The following MICAL1 variants were observed in gnomAD, a reference collection of about 807,000 sequenced individuals.
MICAL1 encodes microtubule associated monooxygenase, calponin and LIM domain containing 1, also known as [F-actin]-monooxygenase MICAL1.
MICAL1 carries 95 observed loss-of-function variants against 131.8 expected under a neutral mutation model. The ratio of observed to expected loss-of-function variants is 0.72; its 90% confidence interval spans 0.61 to 0.86. The LOEUF is 0.86. MICAL1 is among the 40% of genes least tolerant of loss of function. The probability of loss-of-function intolerance (pLI) is 0.00; values close to 1 mark genes in which losing one functional copy is unlikely to be tolerated. For missense variants in MICAL1, 1,292 were observed against 1,380.6 expected (o/e 0.94, Z 1.02); for synonymous variants, 546 against 554.2 (o/e 0.99, Z 0.21).
chr6:109,450,347 G>GCTTCTCTTGCACA lies in MICAL1; in HGVS notation c.1131_1143dup (p.His382CysfsTer38). ...AGTCCCAGCAGCAGGCGGGCGCCATGCTTCTCTTGCACACGAGCAGAACTC... is the reference window on the plus strand; with the variant it reads ...AGTCCCAGCAGCAGGCGGGCGCCATGCTTCTCTTGCACACTTCTCTTGCACACGAGCAGAACTC... On this transcript the variant is annotated frameshift_variant, in exon 8 of 25. Coordinates refer to ENST00000358807, the MANE Select transcript of MICAL1 (RefSeq NM_022765.4). LOFTEE classifies it high-confidence loss of function. 6.2e-7 allele frequency: 1 copy of GCTTCTCTTGCACA among 1,610,656 alleles called. No homozygotes were observed. The highest frequency in any genetic ancestry group is 8.5e-7 in the Non-Finnish European group (1 of 1,177,602).
chr6:109,453,613 C>T lies in MICAL1; in HGVS notation c.466+25G>A, dbSNP rs200268301. 31 of 1,569,094 alleles carry T rather than the reference C, an allele frequency of 2.0e-5. No homozygotes were observed. In the East Asian group the frequency reaches 6.5e-4, roughly 33 times the overall value. Reference sequence around the variant, plus strand: ...CCTCTAGGCCCAAGCTCACCCGCCCCTCCAGGCCACCACGTGGTGCTCACT... The same window carrying T: ...CCTCTAGGCCCAAGCTCACCCGCCCTTCCAGGCCACCACGTGGTGCTCACT... On this transcript the variant is annotated intron_variant, in intron 3 of 24. Transcript: ENST00000358807.
upstream of MICAL1, among the ~76,000 whole-genome samples, chr6:109,459,008 G>A (rs1775828462): frequency 6.6e-6 from 1 of 152,152 alleles, no homozygotes; most frequent in Non-Finnish European, 1.5e-5. Flanking sequence ...CAGAGTGGGG[G>A]CAGACAACTT....
rs779378015 is a variant in MICAL1 at position 109,449,711 on chromosome 6, CAGCCCATACTGGG to C, written c.1367_1379del (p.Ala456GlyfsTer10). The C allele has an allele frequency of 6.3e-7, 1 of 1,597,022 alleles. No homozygotes were observed. The highest frequency in any genetic ancestry group is 1.3e-5 in the African/African-American group (1 of 74,664). ...GGTTGGGGTAGCGGGTGGCTGGGTC[CAGCCCATACTGGG>C]CCACATTGCGATGCATGTTTTCTGG... On this transcript the variant is annotated frameshift_variant, in exon 10 of 25. Coordinates refer to ENST00000358807, the MANE Select transcript of MICAL1 (RefSeq NM_022765.4). LOFTEE classifies it high-confidence loss of function.
At chr6:109,445,575 G>A in intron 20 of MICAL1, 46 bp from the exon 21 acceptor site, 1 of 1,598,624 alleles carries the variant, frequency 6.3e-7, no homozygotes, top group Non-Finnish European at 8.6e-7. Context: ...GGGCCCCCTG[G>A]TGGATAGGAG....
chr6:109,450,583 C>A, intron 7 of MICAL1, 26 bp from the exon 8 acceptor site: 1 of 1,583,424 alleles, frequency 6.3e-7, no homozygotes, highest in Non-Finnish European at 8.6e-7. Flanking sequence ...AGCAGAACCT[C>A]AGAGACCTCT....
rs140206187 is a variant in MICAL1 at position 109,447,093 on chromosome 6, T to C, written c.2207A>G (p.Tyr736Cys). The C allele has an allele frequency of 8.7e-6, 14 of 1,613,962 alleles. No homozygotes were observed. Among genetic ancestry groups the C allele is most frequent in the Non-Finnish European group, 1.2e-5 (14 of 1,179,998 alleles). Residue 736 changes from tyrosine (Y) to cysteine (C), a missense_variant, in exon 17 of 25, where the codon TAC becomes TGC. By Grantham distance (194) the Tyr-to-Cys change is radical. Coordinates refer to ENST00000358807, the MANE Select transcript of MICAL1 (RefSeq NM_022765.4). Reference sequence around the variant, plus strand: ...CTCACCATCTCCTGGGTGCTGCTCGTAGCCACCTGGCCACAGTGTGGCCTC... The same window carrying C: ...CTCACCATCTCCTGGGTGCTGCTCGCAGCCACCTGGCCACAGTGTGGCCTC... Reference protein sequence around the residue: ...TCEATLWPGGYEQHPGDGHFY... With the variant: ...TCEATLWPGGCEQHPGDGHFY...
rs375872705 is a variant in MICAL1 at position 109,448,767 on chromosome 6, C to G, written c.1629G>C (p.Leu543=). ...LSSSWADGLA[L]CALVYRLQPG... is the part of the protein sequence containing the mutation. ...GCTGCAGCCGGTACACCAGGGCACA[C>G]AGAGCTAGCCCATCAGCCCAGGAGG... The change falls in exon 12 of 25, where the codon CTG becomes CTC. Residue 543 remains leucine, a synonymous_variant. Transcript: ENST00000358807. 9 of 1,613,968 alleles carry G rather than the reference C, an allele frequency of 5.6e-6. No homozygotes were observed. Among genetic ancestry groups the G allele is most frequent in the Non-Finnish European group, 6.8e-6 (8 of 1,179,994 alleles).
Position 109,444,200 on chromosome 6 carries a change from G to C in MICAL1, c.3195C>G (p.Ala1065=). 6.2e-7 allele frequency: 1 copy of C among 1,612,822 alleles called. No homozygotes were observed. The highest frequency in any genetic ancestry group is 8.5e-7 in the Non-Finnish European group (1 of 1,179,920). Residue 1065 remains alanine (A), a synonymous_variant, in exon 25 of 25, where the codon GCC becomes GCG. Transcript: ENST00000358807. ...RLSELALGTG[A]QG The stretch of plus-strand genomic sequence containing the variant: ...GACGGCCCACCCTCGTCTAGCCCTG[G>C]GCCCCTGTCCCCAAGGCCAGCTCGC...
chr6:109,456,122 G>A, upstream of MICAL1: 1 of 668,868 alleles, frequency 1.5e-6, no homozygotes, highest in Non-Finnish European at 1.8e-6. Context: ...GCTGGACCGC[G>A]CACCCTCGGC....
Position 109,444,280 on chromosome 6 carries a change from C to G in MICAL1, c.3115G>C (p.Asp1039His), listed in dbSNP as rs754872205. The G allele has an allele frequency of 3.1e-6, 5 of 1,613,600 alleles. No homozygotes were observed. The highest frequency in any genetic ancestry group is 3.4e-6 in the Non-Finnish European group (4 of 1,180,040). Reference protein sequence around the residue: ...AEDQVLRKLVDLVNQRDALIR... With the variant: ...AEDQVLRKLVHLVNQRDALIR... ...AGGGCATCTCTCTGGTTGACCAAAT[C>G]CACCAGCTTCCTCAGGACCTGGTCC... is the stretch of plus-strand genomic sequence containing the variant. The change falls in exon 25 of 25, where the codon GAT becomes CAT. Residue 1039 changes from aspartate (D) to histidine (H), a missense_variant. By Grantham distance (81) the Asp-to-His change is moderately conservative (BLOSUM62 -1). Coordinates refer to ENST00000358807, the MANE Select transcript of MICAL1 (RefSeq NM_022765.4).
In MICAL1 at chr6:109,444,329, C is replaced by T. The variant is rs1274198889; in HGVS notation, c.3066G>A (p.Lys1022=). The T allele has an allele frequency of 6.2e-7, 1 of 1,613,382 alleles. No individual in the cohort carries two copies. The highest frequency in any genetic ancestry group is 2.2e-5 in the East Asian group (1 of 44,886). ...RGYMNREENL[K]TAADRQAEDQ... is the part of the protein sequence containing the mutation. ...CCTCAGCCTGCCGATCAGCAGCTGT[C>T]TTTAGGTTTTCTAAAAGGAGGAGAC... Residue 1022 remains lysine (K), a synonymous_variant, in exon 25 of 25, where the codon AAG becomes AAA. Coordinates refer to ENST00000358807, the MANE Select transcript of MICAL1 (RefSeq NM_022765.4).
chr6:109,463,077 C>T (rs1775933495), intron 1 of MICAL1: 1 of 152,226 alleles, frequency 6.6e-6, no homozygotes. Flanking sequence ...GCCTCCGCCT[C>T]CTGGGTTCAA....
chr6:109,453,412 A>G, intron 3 of MICAL1, 45 bp from the exon 4 acceptor site: 1 of 1,589,104 alleles, frequency 6.3e-7, no homozygotes, highest in Non-Finnish European at 8.6e-7. Flanking sequence ...AGGGCAGCAC[A>G]AGCTCCCCAT....
chr6:109,447,280 A>C (rs747373732), intron 16 of MICAL1, 51 bp from the exon 17 acceptor site: 1 of 1,613,918 alleles, frequency 6.2e-7, no homozygotes, highest in Admixed American at 1.7e-5. Context: ...GCCAGCTCCA[A>C]AGTTCTTTCC....
At chr6:109,453,894 A>G in intron 2 of MICAL1, 45 bp downstream of exon 2, 1 of 1,609,532 alleles carries the variant, frequency 6.2e-7, no homozygotes, top group South Asian at 1.1e-5. Flanking sequence ...CCGTCCTCTG[A>G]CTCCCCGCAT....
chr6:109,449,761 A>G lies in MICAL1; in HGVS notation c.1330T>C (p.Ser444Pro). Residue 444 changes from serine (S) to proline (P), a missense_variant, in exon 10 of 25, where the codon TCA (serine) becomes CCA (proline). Ser to Pro is a moderately conservative substitution (Grantham distance 74). Coordinates refer to ENST00000358807, the MANE Select transcript of MICAL1 (RefSeq NM_022765.4). ...TGCATGTTTTCTGGGGATGTCTGTG[A>G]CAGAAGCTGGTACAGGCTCTCACTG... ...AERESLYQLL[S>P]QTSPENMHRN... The G allele has an allele frequency of 6.2e-7, 1 of 1,608,986 alleles. No individual in the cohort carries two copies. The highest frequency in any genetic ancestry group is 8.5e-7 in the Non-Finnish European group (1 of 1,177,486).
rs373943759 is a variant in MICAL1 at position 109,448,173 on chromosome 6, G to A, written c.1855+30C>T. Reference sequence around the variant, plus strand: ...CACACACACACACCTCCCCATCCCAGTTATCCTGCCCGCCTTTCCTTCAGG... The same window carrying A: ...CACACACACACACCTCCCCATCCCAATTATCCTGCCCGCCTTTCCTTCAGG... On this transcript the variant is annotated intron_variant, in intron 13 of 24. Transcript: ENST00000358807. 15 of 1,489,328 alleles carry A rather than the reference G, an allele frequency of 1.0e-5. No homozygotes were observed. In the African/African-American group the frequency reaches 2.6e-4, roughly 26 times the overall value. The allele number at this position is 1,489,328 out of a possible 1,614,324, so 92.3% of individuals were successfully genotyped here.
chr6:109,446,013 G>A, intron 19 of MICAL1, 123 bp downstream of exon 19: 1 of 1,470,408 alleles, frequency 6.8e-7, no homozygotes, highest in South Asian at 1.4e-5. Flanking sequence ...TGGAGCAGAG[G>A]AGAGGCTGCC....
chr6:109,446,063 G>A, intron 19 of MICAL1, 73 bp downstream of exon 19: 1 of 1,503,082 alleles, frequency 6.7e-7, no homozygotes, highest in South Asian at 1.4e-5. Flanking sequence ...GTATTCCCCA[G>A]AATTCCTCTG....
Sources: allele counts gnomAD v4.1 joint callset (sites outside exome capture counted in the v4.1 genomes callset), GRCh38; gene constraint gnomAD v4.1.1; transcripts MANE v1.5; gene names NCBI Gene and HGNC (gene_info 2026-07-23, HGNC 2026-07-21).